The following CCDC178 variants were observed in gnomAD, a reference collection of about 807,000 sequenced individuals.
The protein encoded by CCDC178 is coiled-coil domain-containing protein 178.
In CCDC178, 126 loss-of-function variants were observed where a neutral mutation model predicts 117.4. That is an observed-to-expected ratio of 1.07 (90% CI 0.93 to 1.24). The LOEUF (loss-of-function observed/expected upper bound fraction) is 1.24, where lower values mean the gene tolerates loss of function less well. Among genes scored for constraint, CCDC178 ranks in the 50% most tolerant of loss-of-function variants. The pLI, the probability that CCDC178 is intolerant of heterozygous loss-of-function variation, is 0.00. For synonymous variants in CCDC178, 283 were observed against 313.4 expected (o/e 0.90, Z 1.02); for missense variants, 1,030 against 986.9 (o/e 1.04, Z -0.59).
chr18:32,966,038 A>G (rs1025609254), intron 22 of CCDC178, among the ~76,000 whole-genome samples: 1 of 150,842 alleles, frequency 6.6e-6, no homozygotes, highest in African/African-American at 2.4e-5. Context: ...TATTACCCTC[A>G]GTGTACCTTA....
intron 20 of CCDC178, among the ~76,000 whole-genome samples, chr18:33,111,243 A>G (rs1291368086): frequency 6.6e-6 from 1 of 151,550 alleles, no homozygotes; most frequent in Non-Finnish European, 1.5e-5. Flanking sequence ...TTTGTTTTAT[A>G]TCCATTGATT....
At chr18:33,274,768 T>C (rs1405907453) in intron 12 of CCDC178, among the ~76,000 whole-genome samples, 1 of 152,076 alleles carries the variant, frequency 6.6e-6, no homozygotes, top group Non-Finnish European at 1.5e-5. Context: ...GAAAATTCAG[T>C]GCCTAAGGGT....
chr18:33,018,808 T>C (rs771676832), intron 21 of CCDC178, among the ~76,000 whole-genome samples: 12 of 152,034 alleles, frequency 7.9e-5, no homozygotes, highest in Non-Finnish European at 1.6e-4. Flanking sequence ...TCAAAGTTAG[T>C]GGTGATGGTT....
chr18:33,403,549 T>TC (rs2063739219), intron 3 of CCDC178, among the ~76,000 whole-genome samples: 1 of 151,598 alleles, frequency 6.6e-6, no homozygotes, highest in African/African-American at 2.4e-5. Context: ...TAGACTTTTG[T>TC]CAAAATCAGT....
rs910560574 is a variant in CCDC178 at position 33,270,840 on chromosome 18, C to T, written c.1177-3543G>A. On this transcript the variant is annotated intron_variant, in intron 12 of 22. Coordinates refer to ENST00000383096, the MANE Select transcript of CCDC178 (RefSeq NM_001105528.4). ...TAGGTAAATATTAAAAATGTATAAA[C>T]GTATTATTTTGTAACTCTTCTTCAT... Among the ~76,000 whole-genome samples, 5 of 151,348 alleles carry T rather than the reference C, an allele frequency of 3.3e-5. No individual in the cohort carries two copies. In the East Asian group the frequency reaches 5.8e-4, roughly 18 times the overall value.
At chr18:33,269,561 A>C (rs1475556286) in intron 12 of CCDC178, among the ~76,000 whole-genome samples, 6 of 151,864 alleles carry the variant, frequency 4.0e-5, no homozygotes, top group Non-Finnish European at 5.9e-5. Context: ...AGCACACAGA[A>C]CTTTTCTGCA....
intron 22 of CCDC178, among the ~76,000 whole-genome samples, chr18:32,965,892 T>C (rs1212885700): frequency 6.7e-6 from 1 of 149,706 alleles, no homozygotes; most frequent in Non-Finnish European, 1.5e-5. Flanking sequence ...AATATTTTCC[T>C]ATTGGGTTAT....
chr18:33,246,203 C>T (rs1568084919), intron 14 of CCDC178, among the ~76,000 whole-genome samples: 1 of 151,798 alleles, frequency 6.6e-6, no homozygotes, highest in Non-Finnish European at 1.5e-5. Flanking sequence ...TAACATGCAA[C>T]CAGAAAGCAA....
chr18:33,268,103 T>TA (rs2059841154), intron 12 of CCDC178, among the ~76,000 whole-genome samples: 1 of 151,738 alleles, frequency 6.6e-6, no homozygotes, highest in Non-Finnish European at 1.5e-5. Context: ...AACATTACTG[T>TA]AAAAATATAG....
chr18:33,028,852 T>C (rs2056279128), intron 21 of CCDC178, among the ~76,000 whole-genome samples: 1 of 151,924 alleles, frequency 6.6e-6, no homozygotes, highest in Non-Finnish European at 1.5e-5. Context: ...GAAATAACCT[T>C]GCATACCTAG....
At chr18:33,352,126 T>C (rs2062986961) in intron 7 of CCDC178, among the ~76,000 whole-genome samples, 1 of 152,154 alleles carries the variant, frequency 6.6e-6, no homozygotes, top group Non-Finnish European at 1.5e-5. Flanking sequence ...TCAGGTTTTC[T>C]ACCCCTTCCT....
intron 22 of CCDC178, among the ~76,000 whole-genome samples, chr18:32,974,208 A>G (rs1848395041): frequency 6.6e-6 from 1 of 152,168 alleles, no homozygotes; most frequent in South Asian, 2.1e-4. Context: ...ATTTTGCACA[A>G]AATCAGCACA....
intron 21 of CCDC178, among the ~76,000 whole-genome samples, chr18:33,003,245 A>G (rs956939287): frequency 5.3e-5 from 8 of 152,144 alleles, no homozygotes; most frequent in African/African-American, 1.9e-4. Context: ...GAAAAACTAC[A>G]AACCAATATC....
intron 21 of CCDC178, among the ~76,000 whole-genome samples, chr18:33,079,004 T>A (rs2057255719): frequency 6.6e-6 from 1 of 152,114 alleles, no homozygotes; most frequent in Non-Finnish European, 1.5e-5. Context: ...GGTGGAGGCA[T>A]CACATTACTG....
intron 10 of CCDC178, among the ~76,000 whole-genome samples, chr18:33,324,258 T>C (rs1420590149): frequency 1.3e-5 from 2 of 151,892 alleles, no homozygotes; most frequent in Non-Finnish European, 3.0e-5. Flanking sequence ...CACATACTCA[T>C]GATTTAACTC....
intron 12 of CCDC178, among the ~76,000 whole-genome samples, chr18:33,273,521 T>C (rs1482733838): frequency 2.0e-5 from 3 of 151,632 alleles, no homozygotes; most frequent in African/African-American, 4.8e-5. Context: ...GAAAGACATA[T>C]AAATCAATGG....
At chr18:33,367,778 C>G (rs927070760) in intron 6 of CCDC178, among the ~76,000 whole-genome samples, 6 of 151,760 alleles carry the variant, frequency 4.0e-5, no homozygotes, top group African/African-American at 9.7e-5. Context: ...TCTAACTGCA[C>G]AGTCAATAAT....
chr18:33,065,749 C>T (rs1326506176), intron 21 of CCDC178, among the ~76,000 whole-genome samples: 1 of 151,976 alleles, frequency 6.6e-6, no homozygotes, highest in Non-Finnish European at 1.5e-5. Context: ...AATTTTGTAG[C>T]AGATACCTTA....
At chr18:33,226,351 T>C (rs540770964) in intron 16 of CCDC178, among the ~76,000 whole-genome samples, 1 of 152,284 alleles carries the variant, frequency 6.6e-6, no homozygotes, top group East Asian at 1.9e-4. Flanking sequence ...TAGACAAAGA[T>C]TTTAAAAATT....
Sources: allele counts gnomAD v4.1 joint callset (sites outside exome capture counted in the v4.1 genomes callset), GRCh38; gene constraint gnomAD v4.1.1; transcripts MANE v1.5; gene names NCBI Gene and HGNC (gene_info 2026-07-23, HGNC 2026-07-21).